The following TIMP2 variants were observed in gnomAD, a reference collection of about 807,000 sequenced individuals.
TIMP2 encodes TIMP metallopeptidase inhibitor 2.
TIMP2 carries 5 observed loss-of-function variants against 24.3 expected under a neutral mutation model. The observed-to-expected ratio is 0.21, with a 90% CI of 0.11 to 0.43. The LOEUF (loss-of-function observed/expected upper bound fraction) is 0.43, where lower values mean the gene tolerates loss of function less well. TIMP2 is among the 20% of genes least tolerant of loss of function. The pLI is 1.00. For missense variants in TIMP2, 221 were observed against 297.5 expected (o/e 0.74, Z 1.89); for synonymous variants, 130 against 123.2 (o/e 1.06, Z -0.37).
intron 2 of TIMP2, among the ~76,000 whole-genome samples, chr17:78,872,188 G>C: frequency 6.7e-6 from 1 of 150,054 alleles, no homozygotes; most frequent in Non-Finnish European, 1.5e-5. Flanking sequence ...ACGAGGTCTC[G>C]CTCTATTACC....
At chr17:78,882,884 C>T (rs147623634) in intron 1 of TIMP2, among the ~76,000 whole-genome samples, 80 of 152,368 alleles carry the variant, frequency 5.3e-4, no homozygotes, top group African/African-American at 1.9e-3. Flanking sequence ...GTGACACAGC[C>T]GGGTGCCCTT....
intron 1 of TIMP2, among the ~76,000 whole-genome samples, chr17:78,889,090 A>C (rs2069854117): frequency 6.6e-6 from 1 of 152,336 alleles, no homozygotes; most frequent in South Asian, 2.1e-4. Context: ...TTTCATTTAC[A>C]TCTCATCTGT....
At position 78,854,396 on chromosome 17, in the gene TIMP2, G is replaced by C. The variant is rs1171086532; in HGVS notation, c.*1271C>G. On this transcript the variant is annotated 3_prime_UTR_variant, in exon 5 of 5. Transcript: ENST00000262768. Reference sequence around the variant, plus strand: ...GAAGTTTCTTAGCTAGGTAATCTTTGTCATTTAAGAAATACAAGCAGAAGT... The same window carrying C: ...GAAGTTTCTTAGCTAGGTAATCTTTCTCATTTAAGAAATACAAGCAGAAGT... The C allele has an allele frequency of 6.6e-6, 1 of 151,704 alleles. No homozygotes were observed. The highest frequency in any genetic ancestry group is 1.5e-5 in the Non-Finnish European group (1 of 68,006). 9.4% of individuals were successfully genotyped at this position (151,704 alleles called of 1,614,324 possible).
rs191887406 is a variant in TIMP2 at position 78,893,129 on chromosome 17, A to G, written c.131-19210T>C. On this transcript the variant is annotated intron_variant, in intron 1 of 4. Coordinates refer to ENST00000262768, the MANE Select transcript of TIMP2 (RefSeq NM_003255.5). ...TGTGTGCACATGCACATGTGTGTGCAGGGGTGTGTGTGCGTACATGTGTGT... is the reference window on the plus strand; with the variant it reads ...TGTGTGCACATGCACATGTGTGTGCGGGGGTGTGTGTGCGTACATGTGTGT... Among the ~76,000 whole-genome samples the G allele has an allele frequency of 1.5e-4, 20 of 135,508 alleles. No individual in the cohort carries two copies. The East Asian group carries it at 4.7e-3, about 32-fold the overall frequency. 88.9% of individuals were successfully genotyped at this position (135,508 alleles called of 152,430 possible).
intron 3 of TIMP2, 30 bp from the exon 4 acceptor site, chr17:78,857,676 G>A: frequency 6.2e-7 from 1 of 1,613,454 alleles, no homozygotes; most frequent in Non-Finnish European, 8.5e-7. Flanking sequence ...ACCGAGCTCA[G>A]GGAGAGGGAA....
At chr17:78,857,178 G>A (rs2069530420) in intron 4 of TIMP2, 2 of 252,416 alleles carry the variant, frequency 7.9e-6, no homozygotes, top group Non-Finnish European at 1.6e-5. Flanking sequence ...TGTAGAGACA[G>A]GGTTTCGCCA....
rs1231450670 is a variant in TIMP2, at chr17:78,891,421, C to T, written c.131-17502G>A. 2 of 1,550,708 alleles carry T rather than the reference C, an allele frequency of 1.3e-6. No individual in the cohort carries two copies. Among genetic ancestry groups the T allele is most frequent in the East Asian group, 2.4e-5 (1 of 40,934 alleles). ...CCATCCTGGGCTTCAGTGCCAGGTA[C>T]AAGCACAGGTGTTTTTTCAGCTTTC... On this transcript the variant is annotated intron_variant, in intron 1 of 4. Transcript: ENST00000262768. The surrounding 1 kb of genome is among the most constrained non-coding windows in gnomAD (Gnocchi z 4.5).
At position 78,925,110 on chromosome 17, in the gene TIMP2, G is replaced by GCCCCC; in HGVS notation, c.-23_-22insGGGGG. 5 of 903,808 alleles carry GCCCCC rather than the reference G, an allele frequency of 5.5e-6. No homozygotes were observed. The highest frequency in any genetic ancestry group is 6.6e-6 in the Non-Finnish European group (5 of 757,610). The allele number at this position is 903,808 out of a possible 1,614,324, so 56.0% of individuals were successfully genotyped here. ...CCATGGCGGGCCGGGGGGCTGGGCG[G>GCCCCC]GCGGGGGCCGCCGCTGGGGGGTCCG... On this transcript the variant is annotated 5_prime_UTR_variant, in exon 1 of 5. Transcript: ENST00000262768.
chr17:78,893,201 ATG>A (rs1568000989), intron 1 of TIMP2, among the ~76,000 whole-genome samples: 5 of 49,936 alleles, frequency 1.0e-4, no homozygotes, highest in Non-Finnish European at 1.5e-4. Context: ...GTGTGCAAGG[ATG>A]TGTGTGCATG....
chr17:78,867,154 G>C (rs2069623968), intron 3 of TIMP2, among the ~76,000 whole-genome samples: 1 of 152,168 alleles, frequency 6.6e-6, no homozygotes, highest in South Asian at 2.1e-4. Flanking sequence ...CCAGCTACTT[G>C]GGTGGCTGAG....
chr17:78,879,247 G>A (rs185176381), intron 1 of TIMP2, among the ~76,000 whole-genome samples: 39 of 152,230 alleles, frequency 2.6e-4, no homozygotes, highest in African/African-American at 8.7e-4. Flanking sequence ...GTGGACAGAG[G>A]AGGAGGGAGA....
rs118173560 is a variant in TIMP2, at chr17:78,859,388, G to A, written c.341-1742C>T. Among the ~76,000 whole-genome samples the A allele has an allele frequency of 9.2e-4, 140 of 152,314 alleles. 2 individuals are homozygous for A. The East Asian group carries it at 0.021, about 23-fold the overall frequency. On this transcript the variant is annotated intron_variant, in intron 3 of 4. Coordinates refer to ENST00000262768, the MANE Select transcript of TIMP2 (RefSeq NM_003255.5). ...AAAACTCATCCCTCAGGCCAGGTGC[G>A]ATGGCTCATGCCTGTAATCCTAGCA... is the stretch of plus-strand genomic sequence containing the variant.
At chr17:78,908,644 C>A (rs770778888) in intron 1 of TIMP2, among the ~76,000 whole-genome samples, 1 of 152,250 alleles carries the variant, frequency 6.6e-6, no homozygotes, top group Non-Finnish European at 1.5e-5. Context: ...CTCACCTCCC[C>A]CGCAGAGCCT....
Position 78,924,996 on chromosome 17 carries a change from C to G in TIMP2, c.93G>C (p.Pro31=), listed in dbSNP as rs2070338539. ...TGCAAAACGCCTGTTGCGGGTGCAC[C>G]GGGGAGCAGCTGCAGGCGTCGGCCG... ...LRPADACSCS[P]VHPQQAFCNA... is the part of the protein sequence containing the mutation. Residue 31 remains proline, a synonymous_variant, in exon 1 of 5, where the codon CCG becomes CCC. Coordinates refer to ENST00000262768, the MANE Select transcript of TIMP2 (RefSeq NM_003255.5). This position sits in a 1 kb window ranked among gnomAD's most constrained non-coding sequence, Gnocchi z 5.3. 2 of 1,250,180 alleles carry G rather than the reference C, an allele frequency of 1.6e-6. No individual in the cohort carries two copies. Among genetic ancestry groups the G allele is most frequent in the African/African-American group, 1.6e-5 (1 of 62,506 alleles). 77.4% of individuals were successfully genotyped at this position (1,250,180 alleles called of 1,614,324 possible).
intron 2 of TIMP2, among the ~76,000 whole-genome samples, chr17:78,873,087 T>C (rs1034336316): frequency 2.6e-5 from 4 of 152,118 alleles, no homozygotes; most frequent in African/African-American, 9.7e-5. Flanking sequence ...CACCTGGGAC[T>C]ATACTCATGA....
chr17:78,882,718 G>C (rs1272168953), intron 1 of TIMP2, among the ~76,000 whole-genome samples: 2 of 152,252 alleles, frequency 1.3e-5, no homozygotes, highest in African/African-American at 4.8e-5. Flanking sequence ...AAGGACCCCA[G>C]ACCTGCTCTA....
At chr17:78,870,302 A>C (rs1298104186) in intron 3 of TIMP2, among the ~76,000 whole-genome samples, 1 of 151,182 alleles carries the variant, frequency 6.6e-6, no homozygotes, top group Admixed American at 6.6e-5. Context: ...TGTAATCCCA[A>C]CTACTCGGGA....
intron 4 of TIMP2, chr17:78,856,476 C>G (rs2069525618): frequency 6.4e-6 from 1 of 155,360 alleles, no homozygotes; most frequent in African/African-American, 2.4e-5. Flanking sequence ...CCAGGCAGCT[C>G]CCCAGGGAAG....
intron 1 of TIMP2, chr17:78,890,810 C>T (rs921186503): frequency 6.4e-7 from 1 of 1,550,650 alleles, no homozygotes; most frequent in Non-Finnish European, 8.7e-7. Flanking sequence ...CTCAGATCCT[C>T]TCTCCCTTTC....
Sources: gnomAD v4.1 joint callset for allele counts (sites outside exome capture counted in the v4.1 genomes callset) on GRCh38, gnomAD v4.1.1 for gene constraint, Gnocchi (gnomAD v3.1) non-coding constraint, MANE v1.5 for transcripts, NCBI Gene and HGNC (gene_info 2026-07-23, HGNC 2026-07-21) for gene names.